Variants in PPA2 observed in about 807,000 individuals in gnomAD.
PPA2 encodes inorganic pyrophosphatase 2, mitochondrial.
In PPA2, 48 loss-of-function variants were observed where a neutral mutation model predicts 49.5. The observed-to-expected ratio is 0.97, with a 90% confidence interval of 0.77 to 1.23. The LOEUF is 1.23. PPA2 is among the 50% of genes most tolerant of loss of function. PPA2 has a pLI of 0.00. For missense variants in PPA2, 429 were observed against 410.1 expected, an observed-to-expected ratio of 1.05 and a Z score of -0.40; for synonymous variants, 131 against 139.9, an observed-to-expected ratio of 0.94 and a Z score of 0.45.
intron 7 of PPA2, among the ~76,000 whole-genome samples, chr4:105,409,168 G>A (rs1370152239): frequency 1.3e-5 from 2 of 152,212 alleles, no homozygotes; most frequent in Admixed American, 6.5e-5. Flanking sequence ...ATGACAGACT[G>A]TACCTGGAGG....
rs533974165 is a variant in PPA2 at position 105,409,436 on chromosome 4, C to T, written c.656-10272G>A. ...TGGACCTCAGTGCCCCTCTGCAAGGCCTACAGCCTCCACCTCTGTGGGCAG... is the reference window on the plus strand; with the variant it reads ...TGGACCTCAGTGCCCCTCTGCAAGGTCTACAGCCTCCACCTCTGTGGGCAG... On this transcript the variant is annotated intron_variant, in intron 7 of 11. Coordinates refer to ENST00000341695, the MANE Select transcript of PPA2 (RefSeq NM_176869.3). Among the ~76,000 whole-genome samples, 16 of 152,176 alleles carry T rather than the reference C, an allele frequency of 1.1e-4. 1 individual carries two copies. In the South Asian group the frequency reaches 3.3e-3, roughly 32 times the overall value.
At chr4:105,439,699 T>C (rs1422953106) in intron 5 of PPA2, among the ~76,000 whole-genome samples, 2 of 116,114 alleles carry the variant, frequency 1.7e-5, no homozygotes, top group South Asian at 2.3e-4. Context: ...GTAATTATTA[T>C]GATACTTTTA....
chr4:105,422,035 T>C (rs906937869), intron 7 of PPA2, among the ~76,000 whole-genome samples: 1 of 148,152 alleles, frequency 6.7e-6, no homozygotes, highest in African/African-American at 2.5e-5. Flanking sequence ...AGAGAGAGAC[T>C]GCCTCAAAAA....
chr4:105,402,124 T>C (rs997290705), intron 7 of PPA2, among the ~76,000 whole-genome samples: 1 of 152,096 alleles, frequency 6.6e-6, no homozygotes, highest in Non-Finnish European at 1.5e-5. Flanking sequence ...AAATTAAGCC[T>C]GGAGCTAGGT....
intron 6 of PPA2, among the ~76,000 whole-genome samples, chr4:105,427,771 C>T (rs879173248): frequency 2.0e-5 from 3 of 152,214 alleles, no homozygotes; most frequent in African/African-American, 4.8e-5. Context: ...TGAGAAATCA[C>T]TCTTTAGGAA....
intron 6 of PPA2, among the ~76,000 whole-genome samples, chr4:105,429,333 T>C (rs1458551583): frequency 6.6e-6 from 1 of 152,196 alleles, no homozygotes; most frequent in African/African-American, 2.4e-5. Flanking sequence ...TGGCGTATCT[T>C]ACAGTGGCAA....
At chr4:105,378,276 C>T (rs1309627252) in intron 10 of PPA2, among the ~76,000 whole-genome samples, 7 of 152,124 alleles carry the variant, frequency 4.6e-5, no homozygotes, top group African/African-American at 7.2e-5. Context: ...GGTTTTAAAT[C>T]TGCATTTAAT....
At chr4:105,386,730 G>T in intron 9 of PPA2, 94 bp from the exon 10 acceptor site, 2 of 925,492 alleles carry the variant, frequency 2.2e-6, no homozygotes, top group Non-Finnish European at 1.7e-6. Flanking sequence ...CTCCACATCT[G>T]TTGTATAATT....
chr4:105,449,453 A>AT, intron 3 of PPA2, 50 bp from the exon 4 acceptor site: 1 of 1,229,042 alleles, frequency 8.1e-7, no homozygotes, highest in Non-Finnish European at 1.2e-6. Flanking sequence ...TTTACCTTTT[A>AT]TTTTTTCCGT....
chr4:105,405,695 G>A, intron 7 of PPA2: 2 of 907,432 alleles, frequency 2.2e-6, no homozygotes, highest in Non-Finnish European at 2.7e-6. Flanking sequence ...GTGTTTCAAT[G>A]TACTCCCTCA....
intron 9 of PPA2, among the ~76,000 whole-genome samples, chr4:105,390,688 G>T (rs936894655): frequency 3.9e-5 from 6 of 152,178 alleles, no homozygotes; most frequent in African/African-American, 1.4e-4. Context: ...AGAAACAATA[G>T]ATGATGCTGA....
intron 7 of PPA2, among the ~76,000 whole-genome samples, chr4:105,404,823 T>C (rs1273265675): frequency 1.3e-5 from 2 of 152,162 alleles, no homozygotes; most frequent in African/African-American, 4.8e-5. Flanking sequence ...GGCTCACACC[T>C]GTAATCCCAG....
At chr4:105,428,241 A>C (rs1203771709) in intron 6 of PPA2, among the ~76,000 whole-genome samples, 1 of 152,214 alleles carries the variant, frequency 6.6e-6, no homozygotes, top group African/African-American at 2.4e-5. Context: ...ACCACTGCAA[A>C]GACACGCCAA....
intron 6 of PPA2, 122 bp downstream of exon 6, chr4:105,437,828 G>A (rs1380687379): frequency 1.5e-6 from 1 of 684,686 alleles, no homozygotes; most frequent in African/African-American, 1.9e-5. Context: ...AGGAGGGACT[G>A]ATAACAGAGA....
chr4:105,455,054 C>T (rs998205384), intron 2 of PPA2, among the ~76,000 whole-genome samples: 6 of 152,134 alleles, frequency 3.9e-5, no homozygotes, highest in African/African-American at 1.4e-4. Context: ...TAGCACTTAA[C>T]ATTATCTGAC....
chr4:105,391,436 T>A (rs1355185775), intron 9 of PPA2, among the ~76,000 whole-genome samples: 1 of 151,598 alleles, frequency 6.6e-6, no homozygotes, highest in Non-Finnish European at 1.5e-5. Context: ...AGAATTTAGA[T>A]GAATTGAATA....
At chr4:105,446,246 C>T (rs986915741) in intron 5 of PPA2, 137 bp downstream of exon 5, 42 of 896,212 alleles carry the variant, frequency 4.7e-5, no homozygotes, top group Admixed American at 4.0e-4. Flanking sequence ...ACTCCATCCA[C>T]GTTAATAAAT....
At chr4:105,390,388 G>A (rs573365865) in intron 9 of PPA2, among the ~76,000 whole-genome samples, 26 of 151,994 alleles carry the variant, frequency 1.7e-4, no homozygotes, top group Middle Eastern at 6.8e-3. Context: ...TACAAAATGG[G>A]AGAAAATTTT....
At chr4:105,380,603 G>GT (rs567235197) in intron 10 of PPA2, among the ~76,000 whole-genome samples, 20 of 152,180 alleles carry the variant, frequency 1.3e-4, no homozygotes, top group African/African-American at 4.6e-4. Context: ...TATAACTGAA[G>GT]TCTTTCTCCC....
Sources: allele counts gnomAD v4.1 joint callset (sites outside exome capture counted in the v4.1 genomes callset), GRCh38; gene constraint gnomAD v4.1.1; transcripts MANE v1.5; gene names NCBI Gene and HGNC (gene_info 2026-07-23, HGNC 2026-07-21).